The following TECPR2 variants were observed in gnomAD, a reference collection of about 807,000 sequenced individuals.
The protein encoded by TECPR2 is tectonin beta-propeller repeat-containing protein 2.
Under a neutral mutation model 138.1 loss-of-function variants are expected in TECPR2, and 65 were observed. The ratio of observed to expected loss-of-function variants is 0.47; its 90% CI spans 0.39 to 0.58. TECPR2 has a LOEUF of 0.58. TECPR2 is among the 20% of genes least tolerant of loss of function. The pLI is 0.00. For synonymous variants in TECPR2, 746 were observed against 749.8 expected, an observed-to-expected ratio of 0.99 and a Z score of 0.08; for missense variants, 1,553 against 1,824.5, an observed-to-expected ratio of 0.85 and a Z score of 2.71.
At chr14:102,384,372 G>A (rs1189118162) in intron 2 of TECPR2, among the ~76,000 whole-genome samples, 1 of 151,904 alleles carries the variant, frequency 6.6e-6, no homozygotes. Flanking sequence ...AGGGGACCAG[G>A]TGTGTATCAA....
intron 2 of TECPR2, among the ~76,000 whole-genome samples, chr14:102,404,638 G>A (rs1053143906): frequency 2.6e-5 from 4 of 151,246 alleles, no homozygotes; most frequent in Non-Finnish European, 2.9e-5. Flanking sequence ...GTGCAATGGC[G>A]TGATCTCGGC....
rs188111945 is a variant in TECPR2 at position 102,433,171 on chromosome 14, T to C, written c.1417+1043T>C. ...ATGCTACCAAATATGGGATTTAACATTGAATTTTTTTCTTTTTTTTTTTCA... is the reference window on the plus strand; with the variant it reads ...ATGCTACCAAATATGGGATTTAACACTGAATTTTTTTCTTTTTTTTTTTCA... On this transcript the variant is annotated intron_variant, in intron 8 of 19. Transcript: ENST00000359520. Among the ~76,000 whole-genome samples the C allele has an allele frequency of 2.0e-5, 3 of 152,206 alleles. No homozygotes were observed. The East Asian group carries it at 5.8e-4, about 29-fold the overall frequency.
intron 15 of TECPR2, among the ~76,000 whole-genome samples, chr14:102,451,520 C>T (rs994445275): frequency 1.3e-5 from 2 of 152,032 alleles, no homozygotes; most frequent in African/African-American, 2.4e-5. Context: ...AAAACCTGAC[C>T]GGATCTCACA....
intron 17 of TECPR2, among the ~76,000 whole-genome samples, chr14:102,467,319 A>ATTTTT (rs35221234): frequency 4.4e-5 from 5 of 114,418 alleles, no homozygotes; most frequent in African/African-American, 1.4e-4. Context: ...ATCCTCACCA[A>ATTTTT]TTTTTTTTTT....
chr14:102,479,630 GA>G (rs984185459), intron 17 of TECPR2, among the ~76,000 whole-genome samples: 9 of 152,218 alleles, frequency 5.9e-5, no homozygotes, highest in African/African-American at 1.9e-4. Context: ...GATTGGGATG[GA>G]GTGGACATGG....
rs769321901 is a variant in TECPR2 at position 102,450,596 on chromosome 14, C to T, written c.3353C>T (p.Ala1118Val). ...YWNHVVPRGT[A>V]SATKWAFVLA... is the part of the protein sequence containing the mutation. ...AATCATGTGGTTCCCCGTGGGACAG[C>T]TTCTGCTACAAAATGGGCCTTTGTG... is the stretch of plus-strand genomic sequence containing the variant. The change falls in exon 15 of 20, where the codon GCT becomes GTT. Residue 1118 changes from alanine (A) to valine (V), a missense_variant. By Grantham distance (64) the Ala-to-Val change is moderately conservative. Transcript: ENST00000359520. The T allele has an allele frequency of 6.8e-6, 11 of 1,614,092 alleles. No individual in the cohort carries two copies. In the Admixed American group the frequency reaches 1.7e-4, roughly 24 times the overall value.
intron 5 of TECPR2, among the ~76,000 whole-genome samples, chr14:102,418,274 T>G (rs1177830973): frequency 6.6e-6 from 1 of 152,204 alleles, no homozygotes; most frequent in Admixed American, 6.5e-5. Context: ...TCTGCCCTGC[T>G]CCAGTACTCC....
intron 2 of TECPR2, among the ~76,000 whole-genome samples, chr14:102,383,159 T>A (rs1335514699): frequency 6.6e-6 from 1 of 152,210 alleles, no homozygotes; most frequent in South Asian, 2.1e-4. Context: ...AAGATTCTCT[T>A]GTGCTACCTC....
At chr14:102,429,892 G>A (rs1418471002) in intron 7 of TECPR2, among the ~76,000 whole-genome samples, 1 of 152,212 alleles carries the variant, frequency 6.6e-6, no homozygotes, top group East Asian at 1.9e-4. Context: ...CCCTGTCCAT[G>A]TGTGGCTGCT....
intron 2 of TECPR2, among the ~76,000 whole-genome samples, chr14:102,388,355 T>C (rs1051161638): frequency 2.0e-5 from 3 of 152,218 alleles, no homozygotes; most frequent in Non-Finnish European, 1.5e-5. Flanking sequence ...TAAATTTACC[T>C]GAGTTCAACT....
At chr14:102,458,966 CATATATAT>C (rs3068229) in intron 16 of TECPR2, among the ~76,000 whole-genome samples, 2 of 138,366 alleles carry the variant, frequency 1.4e-5, no homozygotes, top group Non-Finnish European at 3.1e-5. Flanking sequence ...AAAATACACA[CATATATAT>C]ATATATATAT....
intron 9 of TECPR2, among the ~76,000 whole-genome samples, chr14:102,435,657 T>C (rs1406881347): frequency 2.0e-5 from 3 of 152,098 alleles, no homozygotes; most frequent in African/African-American, 4.8e-5. Context: ...CAAGGAACCA[T>C]CTGCAAGAGC....
At chr14:102,412,260 T>C (rs1377379395) in intron 4 of TECPR2, among the ~76,000 whole-genome samples, 1 of 151,554 alleles carries the variant, frequency 6.6e-6, no homozygotes, top group Non-Finnish European at 1.5e-5. Flanking sequence ...GCCTCCCGAG[T>C]AGCTGGGACT....
chr14:102,497,453 C>T (rs1033383174), intron 18 of TECPR2, 117 bp from the exon 19 acceptor site: 2 of 1,319,730 alleles, frequency 1.5e-6, no homozygotes, highest in Non-Finnish European at 2.0e-6. Context: ...CCATCATGGG[C>T]ACTCCGTCCC....
chr14:102,399,695 G>C (rs1888417464), intron 2 of TECPR2, among the ~76,000 whole-genome samples: 1 of 152,014 alleles, frequency 6.6e-6, no homozygotes, highest in Non-Finnish European at 1.5e-5. Flanking sequence ...TAAGTGTGGT[G>C]GCTTGTGCCT....
chr14:102,453,405 G>A lies in TECPR2; in HGVS notation c.3640+778G>A, dbSNP rs1261911515. Among the ~76,000 whole-genome samples, 13 of 152,136 alleles carry A rather than the reference G, an allele frequency of 8.5e-5. No homozygotes were observed. In the East Asian group the frequency reaches 1.4e-3, roughly 16 times the overall value. ...TGAGGCAGGAGAATTGCTTGAACCC[G>A]GGAGGCGGGGGTTGCAGTGAGCCGA... On this transcript the variant is annotated intron_variant, in intron 16 of 19. Coordinates refer to ENST00000359520, the MANE Select transcript of TECPR2 (RefSeq NM_014844.5).
At chr14:102,393,714 A>G (rs923027750) in intron 2 of TECPR2, among the ~76,000 whole-genome samples, 5 of 151,930 alleles carry the variant, frequency 3.3e-5, no homozygotes, top group Non-Finnish European at 7.4e-5. Context: ...GCGCACCACT[A>G]CCACCTGGCT....
At chr14:102,450,089 C>T (rs1162615424) in intron 14 of TECPR2, among the ~76,000 whole-genome samples, 1 of 152,156 alleles carries the variant, frequency 6.6e-6, no homozygotes, top group Non-Finnish European at 1.5e-5. Flanking sequence ...GATAGTGTTT[C>T]CCCTGGAAAC....
chr14:102,416,843 G>A (rs1398327951), intron 5 of TECPR2, among the ~76,000 whole-genome samples: 1 of 152,142 alleles, frequency 6.6e-6, no homozygotes, highest in Non-Finnish European at 1.5e-5. Context: ...AGTTTGCCAG[G>A]CAGGGTAGCA....
Sources: allele counts gnomAD v4.1 joint callset (sites outside exome capture counted in the v4.1 genomes callset), GRCh38; gene constraint gnomAD v4.1.1; transcripts MANE v1.5; gene names NCBI Gene and HGNC (gene_info 2026-07-23, HGNC 2026-07-21).